The following SORCS3 variants were observed in gnomAD, a reference collection of about 807,000 sequenced individuals.
The protein encoded by SORCS3 is VPS10 domain-containing receptor SorCS3.
Under a neutral mutation model 146.3 loss-of-function variants are expected in SORCS3, and 57 were observed. The observed-to-expected ratio is 0.39, with a 90% CI of 0.31 to 0.49. The LOEUF is 0.49. Among genes scored for constraint, SORCS3 ranks in the 20% least tolerant of loss-of-function variants. SORCS3 has a pLI of 0.92. For missense variants in SORCS3, 1,341 were observed against 1,575.5 expected, an observed-to-expected ratio of 0.85 and a Z score of 2.52; for synonymous variants, 653 against 618.5, an observed-to-expected ratio of 1.06 and a Z score of -0.83.
Position 105,178,109 on chromosome 10 carries a change from A to G in SORCS3, c.1945A>G (p.Thr649Ala), listed in dbSNP as rs1230472277. Reference protein sequence around the residue: ...EGHSWDKYGFTSVPLFVDGAL... With the variant: ...EGHSWDKYGFASVPLFVDGAL... ...CCACTCTTGGGACAAGTATGGTTTC[A>G]CTTCGGTTCCTCTCTTTGTTGACGG... Residue 649 changes from threonine (T) to alanine (A), a missense_variant, in exon 14 of 27, where the codon ACT becomes GCT. Coordinates refer to ENST00000369701, the MANE Select transcript of SORCS3 (RefSeq NM_014978.3). 3.7e-6 allele frequency: 6 copies of G among 1,613,554 alleles called. No homozygotes were observed. The highest frequency in any genetic ancestry group is 4.2e-6 in the Non-Finnish European group (5 of 1,179,736).
intron 1 of SORCS3, among the ~76,000 whole-genome samples, chr10:104,792,005 C>CT (rs1315016411): frequency 6.6e-6 from 1 of 151,966 alleles, no homozygotes; most frequent in Non-Finnish European, 1.5e-5. Flanking sequence ...TTATGTACCT[C>CT]TTTTTTTTCC....
At chr10:105,051,130 G>A (rs2133710719) in intron 5 of SORCS3, among the ~76,000 whole-genome samples, 1 of 152,234 alleles carries the variant, frequency 6.6e-6, no homozygotes, top group Non-Finnish European at 1.5e-5. Flanking sequence ...CATTTTCTAA[G>A]AATATTGTTT....
At chr10:105,242,626 A>G (rs868416868) in intron 20 of SORCS3, among the ~76,000 whole-genome samples, 1,424 of 102,140 alleles carry the variant, frequency 0.014, 54 homozygotes, top group African/African-American at 0.052. Flanking sequence ...ATTTATATAT[A>G]TTTATATACA....
At chr10:104,966,280 G>T (rs2054825829) in intron 3 of SORCS3, among the ~76,000 whole-genome samples, 2 of 152,056 alleles carry the variant, frequency 1.3e-5, no homozygotes, top group South Asian at 4.1e-4. Context: ...CTGGTATATT[G>T]TGAGTAAAAG....
chr10:105,016,819 A>G (rs547164907), intron 4 of SORCS3, among the ~76,000 whole-genome samples: 1 of 152,236 alleles, frequency 6.6e-6, no homozygotes, highest in East Asian at 1.9e-4. Context: ...TCTATGGGGA[A>G]TGGAGGGCTG....
At chr10:105,131,788 G>C (rs949313746) in intron 7 of SORCS3, among the ~76,000 whole-genome samples, 5 of 152,098 alleles carry the variant, frequency 3.3e-5, no homozygotes, top group African/African-American at 1.2e-4. Context: ...CAAGAGAAGA[G>C]AGGGGAGGTG....
chr10:105,210,709 C>G (rs1222433600), intron 16 of SORCS3, among the ~76,000 whole-genome samples: 2 of 152,152 alleles, frequency 1.3e-5, no homozygotes, highest in African/African-American at 2.4e-5. Context: ...TTGAATGACT[C>G]TATGTGTCCA....
chr10:104,754,855 G>A (rs994545355), intron 1 of SORCS3, among the ~76,000 whole-genome samples: 1 of 152,216 alleles, frequency 6.6e-6, no homozygotes, highest in African/African-American at 2.4e-5. Context: ...CCAGTCATTA[G>A]AGGATGGCAA....
At chr10:104,686,316 C>T (rs1022283548) in intron 1 of SORCS3, among the ~76,000 whole-genome samples, 1 of 151,888 alleles carries the variant, frequency 6.6e-6, no homozygotes, top group Non-Finnish European at 1.5e-5. Flanking sequence ...AGTGGGACAA[C>T]AGGAGCAGTG....
chr10:104,942,321 T>C (rs887880670), intron 3 of SORCS3, among the ~76,000 whole-genome samples: 1 of 152,138 alleles, frequency 6.6e-6, no homozygotes, highest in South Asian at 2.1e-4. Flanking sequence ...ATTAAATGTC[T>C]TCCCACCAAG....
chr10:104,672,200 G>C (rs2015863641), intron 1 of SORCS3, among the ~76,000 whole-genome samples: 1 of 152,122 alleles, frequency 6.6e-6, no homozygotes, highest in East Asian at 1.9e-4. Flanking sequence ...GTGTTGGTAG[G>C]TTTTGTGTTT....
intron 18 of SORCS3, among the ~76,000 whole-genome samples, chr10:105,216,564 A>T (rs1017018655): frequency 2.0e-5 from 3 of 152,172 alleles, no homozygotes; most frequent in Non-Finnish European, 2.9e-5. Flanking sequence ...AACCTCGGTA[A>T]CTATTAGCTG....
intron 1 of SORCS3, among the ~76,000 whole-genome samples, chr10:104,837,204 A>C (rs2018080816): frequency 6.6e-6 from 1 of 152,184 alleles, no homozygotes; most frequent in Admixed American, 6.5e-5. Context: ...TTCTGACCTC[A>C]AGGAGGTCAC....
chr10:105,045,525 A>G (rs2055365819), intron 5 of SORCS3, among the ~76,000 whole-genome samples: 2 of 152,068 alleles, frequency 1.3e-5, no homozygotes, highest in Admixed American at 6.6e-5. Context: ...TTTTACATAG[A>G]CATTTTTTTT....
intron 4 of SORCS3, among the ~76,000 whole-genome samples, chr10:105,007,669 A>G (rs565624614): frequency 6.6e-6 from 1 of 152,024 alleles, no homozygotes; most frequent in East Asian, 1.9e-4. Context: ...CCCCCAAAAA[A>G]TCTGGCCACA....
At chr10:104,749,174 C>T (rs557552277) in intron 1 of SORCS3, among the ~76,000 whole-genome samples, 9 of 151,610 alleles carry the variant, frequency 5.9e-5, no homozygotes, top group African/African-American at 1.9e-4. Flanking sequence ...GAGGATTAAT[C>T]AAGTGTGGTT....
rs573117118 is a variant in SORCS3, at chr10:105,068,026, C to T, written c.1029-21749C>T. 5.9e-5 allele frequency among the ~76,000 whole-genome samples: 9 copies of T among 152,058 alleles called. No individual in the cohort carries two copies. The South Asian group carries it at 1.0e-3, about 18-fold the overall frequency. On this transcript the variant is annotated intron_variant, in intron 5 of 26. Coordinates refer to ENST00000369701, the MANE Select transcript of SORCS3 (RefSeq NM_014978.3). ...AAGATTACCAAACCCTATCTCACAC[C>T]CTACTCTCTCCAGAATTTCAGACAC... is the stretch of plus-strand genomic sequence containing the variant.
intron 2 of SORCS3, among the ~76,000 whole-genome samples, chr10:104,915,246 A>G (rs917365681): frequency 6.6e-6 from 1 of 152,142 alleles, no homozygotes; most frequent in African/African-American, 2.4e-5. Context: ...CACCCTGGAC[A>G]CACCCACATC....
chr10:105,135,183 A>C (rs1275157188), intron 7 of SORCS3, among the ~76,000 whole-genome samples: 1 of 152,016 alleles, frequency 6.6e-6, no homozygotes, highest in Non-Finnish European at 1.5e-5. Flanking sequence ...GCTCTAGGGG[A>C]CCCTGCACCC....
Sources: gnomAD v4.1 joint callset for allele counts (sites outside exome capture counted in the v4.1 genomes callset) on GRCh38, gnomAD v4.1.1 for gene constraint, MANE v1.5 for transcripts, NCBI Gene and HGNC (gene_info 2026-07-23, HGNC 2026-07-21) for gene names.